The following APBB2 variants were observed in gnomAD, a reference collection of about 807,000 sequenced individuals.
The protein encoded by APBB2 is amyloid beta precursor protein binding family B member 2.
Under a neutral mutation model 82.5 loss-of-function variants are expected in APBB2, and 38 were observed. The observed-to-expected ratio is 0.46, with a 90% CI of 0.36 to 0.60. APBB2 has a LOEUF of 0.60. Among genes scored for constraint, APBB2 ranks in the 20% least tolerant of loss-of-function variants. The pLI is 0.00. For missense variants in APBB2, 772 were observed against 972.3 expected (o/e 0.79, Z 2.74); for synonymous variants, 341 against 368.2 (o/e 0.93, Z 0.85).
chr4:41,210,275 A>G (rs1452635857), intron 1 of APBB2, among the ~76,000 whole-genome samples: 1 of 152,206 alleles, frequency 6.6e-6, no homozygotes, highest in East Asian at 1.9e-4. Flanking sequence ...GACTGGGACA[A>G]GAAGGACCCG....
chr4:41,001,812 A>T (rs1217202580), intron 6 of APBB2, among the ~76,000 whole-genome samples: 1 of 151,786 alleles, frequency 6.6e-6, no homozygotes, highest in Non-Finnish European at 1.5e-5. Context: ...CGGGAGGCAG[A>T]GCTTGCAGTG....
intron 6 of APBB2, among the ~76,000 whole-genome samples, chr4:40,992,580 A>AAT (rs1340634483): frequency 3.3e-5 from 5 of 152,186 alleles, no homozygotes; most frequent in Non-Finnish European, 2.9e-5. Context: ...ACACCTCATT[A>AAT]ATATGTAGTA....
intron 1 of APBB2, among the ~76,000 whole-genome samples, chr4:41,161,050 G>A (rs532863653): frequency 3.3e-5 from 5 of 151,862 alleles, no homozygotes; most frequent in African/African-American, 1.2e-4. Flanking sequence ...CATTAACTTT[G>A]GGGATAAGAC....
At chr4:41,089,818 T>C (rs9994615) in intron 3 of APBB2, among the ~76,000 whole-genome samples, 51,337 of 152,046 alleles carry the variant, frequency 0.34, 8,894 homozygotes, top group Non-Finnish European at 0.37. Flanking sequence ...TGAAGGTAAC[T>C]GCATCACTAT....
At chr4:40,843,068 G>A (rs1756391985) in intron 12 of APBB2, among the ~76,000 whole-genome samples, 1 of 152,156 alleles carries the variant, frequency 6.6e-6, no homozygotes, top group Non-Finnish European at 1.5e-5. Context: ...AGCTGCCTGG[G>A]ACCCTAATGA....
chr4:40,866,314 C>G (rs944020746), intron 12 of APBB2, among the ~76,000 whole-genome samples: 1 of 152,066 alleles, frequency 6.6e-6, no homozygotes, highest in Non-Finnish European at 1.5e-5. Context: ...AAAATAGAAG[C>G]ACTTTACTTT....
At chr4:40,983,351 C>T (rs1799609182) in intron 6 of APBB2, among the ~76,000 whole-genome samples, 1 of 152,140 alleles carries the variant, frequency 6.6e-6, no homozygotes, top group African/African-American at 2.4e-5. Flanking sequence ...ACCCTCACAT[C>T]CATATTCTGA....
At chr4:41,120,984 G>A (rs770820497) in intron 2 of APBB2, among the ~76,000 whole-genome samples, 5 of 152,196 alleles carry the variant, frequency 3.3e-5, no homozygotes, top group Non-Finnish European at 5.9e-5. Flanking sequence ...AAAGAAAATG[G>A]AAGGCTTCCA....
intron 12 of APBB2, among the ~76,000 whole-genome samples, chr4:40,831,350 C>A (rs953830184): frequency 1.3e-5 from 2 of 151,240 alleles, no homozygotes; most frequent in African/African-American, 4.9e-5. Flanking sequence ...TACAGTGAGC[C>A]GAGACTGTGC....
chr4:41,154,893 G>A (rs1275623418), intron 1 of APBB2, among the ~76,000 whole-genome samples: 1 of 152,120 alleles, frequency 6.6e-6, no homozygotes, highest in African/African-American at 2.4e-5. Flanking sequence ...GAACCAAAAG[G>A]GAGATCACAG....
intron 12 of APBB2, among the ~76,000 whole-genome samples, chr4:40,856,071 A>T (rs1160908263): frequency 6.6e-6 from 1 of 152,228 alleles, no homozygotes; most frequent in Non-Finnish European, 1.5e-5. Flanking sequence ...GGAAGGGCCA[A>T]CTGCTCAATG....
intron 17 of APBB2, 151 bp downstream of exon 17, chr4:40,821,720 T>C (rs1748001086): frequency 1.1e-6 from 1 of 898,762 alleles, no homozygotes; most frequent in Non-Finnish European, 1.7e-6. Flanking sequence ...CATAACTGAT[T>C]CTGGCCCTAG....
chr4:41,047,958 ATC>A (rs1334926118), intron 4 of APBB2, among the ~76,000 whole-genome samples: 1 of 152,102 alleles, frequency 6.6e-6, no homozygotes, highest in Non-Finnish European at 1.5e-5. Context: ...CATTCTCTAA[ATC>A]TCTTTTAAGT....
At chr4:40,987,378 T>G (rs1424193866) in intron 6 of APBB2, among the ~76,000 whole-genome samples, 1 of 152,236 alleles carries the variant, frequency 6.6e-6, no homozygotes, top group African/African-American at 2.4e-5. Context: ...AATGTAAAGT[T>G]ACACAATCAT....
intron 12 of APBB2, among the ~76,000 whole-genome samples, chr4:40,869,622 G>A (rs1054553018): frequency 6.6e-6 from 1 of 151,790 alleles, no homozygotes; most frequent in Admixed American, 6.6e-5. Flanking sequence ...TAAAAATAAG[G>A]CAAATGTCTA....
At chr4:40,990,838 G>C (rs1801812844) in intron 6 of APBB2, among the ~76,000 whole-genome samples, 1 of 152,088 alleles carries the variant, frequency 6.6e-6, no homozygotes, top group Admixed American at 6.6e-5. Flanking sequence ...CTGCCAAGCA[G>C]AGCAAAGACT....
chr4:40,952,846 T>A (rs1363178718), intron 6 of APBB2, among the ~76,000 whole-genome samples: 3 of 152,156 alleles, frequency 2.0e-5, no homozygotes, highest in Admixed American at 2.0e-4. Context: ...CGCCACTAGG[T>A]GCTGTATCAC....
At chr4:41,183,154 T>C (rs1344705437) in intron 1 of APBB2, among the ~76,000 whole-genome samples, 1 of 152,176 alleles carries the variant, frequency 6.6e-6, no homozygotes, top group Non-Finnish European at 1.5e-5. Context: ...GGAAATTCTG[T>C]CAGCTGTACC....
chr4:40,923,062 C>A (rs1403457237), intron 10 of APBB2, among the ~76,000 whole-genome samples: 1 of 46,426 alleles, frequency 2.2e-5, no homozygotes, highest in Non-Finnish European at 5.4e-5. Context: ...GCAAGCTCCG[C>A]CCTCCCAGGT....
Sources: gnomAD v4.1 joint callset for allele counts (sites outside exome capture counted in the v4.1 genomes callset) on GRCh38, gnomAD v4.1.1 for gene constraint, MANE v1.5 for transcripts, NCBI Gene and HGNC (gene_info 2026-07-23, HGNC 2026-07-21) for gene names.